Variants in KIAA1671 observed in about 807,000 individuals in gnomAD.
The protein encoded by KIAA1671 is uncharacterized protein KIAA1671.
A neutral mutation model predicts 131.2 loss-of-function variants in KIAA1671; 52 were observed. That is an observed-to-expected ratio of 0.40 (90% confidence interval 0.32 to 0.50). KIAA1671 has a LOEUF of 0.50. KIAA1671 is among the 20% of genes least tolerant of loss of function. The pLI, the probability that KIAA1671 is intolerant of heterozygous loss-of-function variation, is 0.73. For synonymous variants in KIAA1671, 1,003 were observed against 961.6 expected, an observed-to-expected ratio of 1.04 and a Z score of -0.80; for missense variants, 2,360 against 2,364.2, an observed-to-expected ratio of 1.00 and a Z score of 0.04.
At position 25,028,670 on chromosome 22, in the gene KIAA1671, T is replaced by G; in HGVS notation, c.671T>G (p.Val224Gly). The change falls in exon 3 of 13, where the codon GTG becomes GGG. Residue 224 changes from valine (V) to glycine (G), a missense_variant. Around this residue, in one of 3 missense-constraint regions of KIAA1671, gnomAD observed 1,185 missense variants for 1,126.2 expected, o/e 1.05. Transcript: ENST00000358431. ...CATCCTCCCTCAAAGGCCAGCAGTG[T>G]GGAGGACACGGCACGCCCCCTTGTG... Reference protein sequence around the residue: ...QDHPPSKASSVEDTARPLVEP... With the variant: ...QDHPPSKASSGEDTARPLVEP... 6.4e-7 allele frequency: 1 copy of G among 1,551,060 alleles called. No individual in the cohort carries two copies. Among genetic ancestry groups the G allele is most frequent in the Non-Finnish European group, 8.7e-7 (1 of 1,146,974 alleles).
chr22:25,189,074 A>C (rs1934573051), intron 11 of KIAA1671, among the ~76,000 whole-genome samples: 2 of 151,394 alleles, frequency 1.3e-5, no homozygotes, highest in South Asian at 2.1e-4. Context: ...GATGTGAGGA[A>C]GTGTCGAAGT....
At chr22:25,120,984 T>G (rs569026984) in intron 6 of KIAA1671, among the ~76,000 whole-genome samples, 2 of 152,322 alleles carry the variant, frequency 1.3e-5, no homozygotes, top group Admixed American at 1.3e-4. Flanking sequence ...CGTTGCTTTC[T>G]GTGATCAGAA....
chr22:25,034,069 C>T lies in KIAA1671; in HGVS notation c.1629+1373C>T, dbSNP rs1021743609. Among the ~76,000 whole-genome samples, 7 of 133,118 alleles carry T rather than the reference C, an allele frequency of 5.3e-5. No individual in the cohort carries two copies. In the East Asian group the frequency reaches 1.3e-3, roughly 25 times the overall value. The allele number at this position is 133,118 out of a possible 152,430, so 87.3% of individuals were successfully genotyped here. A position where few individuals can be genotyped will look rare whatever the true frequency, so the allele number is the denominator to read the frequency against. The stretch of plus-strand genomic sequence containing the variant: ...CTTTGTTTTTTTTTTTTTTTGGAAA[C>T]GGAGTTTTGCTTGTTGCCCAGGCTA... On this transcript the variant is annotated intron_variant, in intron 4 of 12. Transcript: ENST00000358431.
At chr22:25,109,774 G>C (rs1931237736) in intron 6 of KIAA1671, among the ~76,000 whole-genome samples, 1 of 152,198 alleles carries the variant, frequency 6.6e-6, no homozygotes, top group African/African-American at 2.4e-5. Context: ...TCTATGCAGT[G>C]CCTGGCTCAG....
At chr22:25,089,915 G>A (rs566175898) in intron 6 of KIAA1671, among the ~76,000 whole-genome samples, 1 of 152,196 alleles carries the variant, frequency 6.6e-6, no homozygotes, top group Non-Finnish European at 1.5e-5. Context: ...TTCTAGGTGG[G>A]CTGGGACTGG....
intron 6 of KIAA1671, among the ~76,000 whole-genome samples, chr22:25,093,856 C>CTCTCTCTCTCTG (rs1930264059): frequency 9.3e-6 from 1 of 107,052 alleles, no homozygotes; most frequent in African/African-American, 3.4e-5. Context: ...CTCTCTCTCT[C>CTCTCTCTCTCTG]TCTCTCTCTC....
chr22:25,070,420 A>G, intron 6 of KIAA1671: 1 of 491,306 alleles, frequency 2.0e-6, no homozygotes, highest in Non-Finnish European at 3.8e-6. Context: ...CCTCTGGGTG[A>G]GTGGCGGGGG....
At chr22:24,988,739 A>G (rs1330309241) in intron 1 of KIAA1671, among the ~76,000 whole-genome samples, 4 of 150,336 alleles carry the variant, frequency 2.7e-5, no homozygotes, top group Non-Finnish European at 5.9e-5. Flanking sequence ...CCATCTCAAA[A>G]AAAAAAAAAA....
intron 6 of KIAA1671, among the ~76,000 whole-genome samples, chr22:25,100,076 T>C (rs1040214514): frequency 4.6e-5 from 7 of 152,178 alleles, no homozygotes; most frequent in Admixed American, 2.6e-4. Flanking sequence ...AGTTGGTCTT[T>C]CCTGTGGTCT....
chr22:25,030,073 C>G (rs906484199), intron 3 of KIAA1671, among the ~76,000 whole-genome samples: 1 of 152,128 alleles, frequency 6.6e-6, no homozygotes, highest in African/African-American at 2.4e-5. Flanking sequence ...TAAGTCAGTT[C>G]GTTAATACTG....
chr22:25,104,041 C>T (rs1015690468), intron 6 of KIAA1671, among the ~76,000 whole-genome samples: 2 of 151,962 alleles, frequency 1.3e-5, no homozygotes, highest in African/African-American at 4.8e-5. Context: ...TGCAGTGGCG[C>T]AATCTTGGCT....
intron 1 of KIAA1671, chr22:25,023,385 A>C (rs1279989990): frequency 1.3e-5 from 2 of 152,166 alleles, no homozygotes; most frequent in Non-Finnish European, 2.9e-5. Flanking sequence ...AATAAAAAAT[A>C]AAATAAATAA....
intron 9 of KIAA1671, among the ~76,000 whole-genome samples, chr22:25,178,274 G>A (rs112250125): frequency 8.6e-5 from 13 of 151,778 alleles, no homozygotes; most frequent in Non-Finnish European, 1.6e-4. Flanking sequence ...GTCAGGCCTC[G>A]ACCCACAGCC....
chr22:25,093,716 CA>C (rs1568950844), intron 6 of KIAA1671, among the ~76,000 whole-genome samples: 2 of 128,938 alleles, frequency 1.6e-5, no homozygotes, highest in South Asian at 2.4e-4. Context: ...CACACACACA[CA>C]CACACACACA....
intron 6 of KIAA1671, among the ~76,000 whole-genome samples, chr22:25,167,354 C>G (rs1484858815): frequency 6.6e-6 from 1 of 152,170 alleles, no homozygotes; most frequent in African/African-American, 2.4e-5. Flanking sequence ...GGAATAATTG[C>G]AGAGATGTGT....
chr22:25,171,601 A>G (rs6519569), intron 7 of KIAA1671, among the ~76,000 whole-genome samples: 77,422 of 151,678 alleles, frequency 0.51, 20,235 homozygotes, highest in East Asian at 0.66. Context: ...TGTGATGCCA[A>G]CTGCTCAGGA....
chr22:25,107,585 C>A (rs1016047237), intron 6 of KIAA1671, among the ~76,000 whole-genome samples: 1 of 145,552 alleles, frequency 6.9e-6, no homozygotes, highest in African/African-American at 2.5e-5. Context: ...AGCAATCCTT[C>A]TACCTTAGCC....
At chr22:25,190,985 AG>A (rs964117117) in intron 12 of KIAA1671, among the ~76,000 whole-genome samples, 1 of 152,220 alleles carries the variant, frequency 6.6e-6, no homozygotes, top group African/African-American at 2.4e-5. Flanking sequence ...GAGAAAACAA[AG>A]CTGGGCTGCC....
At chr22:24,987,956 C>T (rs1027043383) in intron 1 of KIAA1671, among the ~76,000 whole-genome samples, 4 of 152,164 alleles carry the variant, frequency 2.6e-5, no homozygotes, top group African/African-American at 9.7e-5. Flanking sequence ...GCAGGGGGTC[C>T]ATCTGCAGCA....
Sources: allele counts gnomAD v4.1 joint callset (sites outside exome capture counted in the v4.1 genomes callset), GRCh38; gene constraint gnomAD v4.1.1; regional missense constraint gnomAD v4.1.1; transcripts MANE v1.5; gene names NCBI Gene and HGNC (gene_info 2026-07-23, HGNC 2026-07-21).